The following SIAH3 variants were observed in gnomAD, a reference collection of about 807,000 sequenced individuals.
The protein encoded by SIAH3 is siah E3 ubiquitin protein ligase family member 3.
SIAH3 carries 9 observed loss-of-function variants against 12.6 expected under a neutral mutation model. The ratio of observed to expected loss-of-function variants is 0.72; its 90% CI spans 0.43 to 1.25. The LOEUF is 1.25. Among genes scored for constraint, SIAH3 ranks in the 50% most tolerant of loss-of-function variants. SIAH3 has a pLI of 0.00. For synonymous variants in SIAH3, 154 were observed against 151.1 expected (o/e 1.02, Z -0.14); for missense variants, 390 against 365.4 (o/e 1.07, Z -0.55).
At chr13:45,846,743 G>A (rs1046348494) in intron 1 of SIAH3, among the ~76,000 whole-genome samples, 5 of 152,100 alleles carry the variant, frequency 3.3e-5, no homozygotes, top group Non-Finnish European at 7.4e-5. Context: ...AATTTGCTTC[G>A]GGGCTGCTGG....
At position 45,808,770 on chromosome 13, in the gene SIAH3, C is replaced by T. The variant is rs139365522; in HGVS notation, c.136-24713G>A. Among the ~76,000 whole-genome samples the T allele has an allele frequency of 3.2e-3, 488 of 152,264 alleles. 2 individuals carry two copies. The highest frequency in any genetic ancestry group is 0.011 in the African/African-American group (439 of 41,550). ...CCCAAAACTTGGACTCAACACTGGG[C>T]ACAGTAGGGAATCTCCATCCTGGTT... is the stretch of plus-strand genomic sequence containing the variant. On this transcript the variant is annotated intron_variant, in intron 1 of 1. Transcript: ENST00000400405.
chr13:45,819,768 A>G (rs1950648689), intron 1 of SIAH3, among the ~76,000 whole-genome samples: 1 of 152,190 alleles, frequency 6.6e-6, no homozygotes, highest in Non-Finnish European at 1.5e-5. Flanking sequence ...TCGGGGACCT[A>G]GTCTCTTCCC....
At chr13:45,825,334 G>A (rs1035928316) in intron 1 of SIAH3, among the ~76,000 whole-genome samples, 1 of 152,156 alleles carries the variant, frequency 6.6e-6, no homozygotes, top group Non-Finnish European at 1.5e-5. Flanking sequence ...ACAGGATTCA[G>A]AATGTAACAA....
At chr13:45,826,377 A>ACGGATGGATGGT (rs1566094814) in intron 1 of SIAH3, among the ~76,000 whole-genome samples, 1 of 13,158 alleles carries the variant, frequency 7.6e-5, no homozygotes, top group African/African-American at 2.9e-4. Context: ...GGATGGATGA[A>ACGGATGGATGGT]TGAATGGATG....
intron 1 of SIAH3, among the ~76,000 whole-genome samples, chr13:45,812,561 T>G (rs897805446): frequency 6.6e-6 from 1 of 152,216 alleles, no homozygotes; most frequent in African/African-American, 2.4e-5. Context: ...ATTATAATGA[T>G]TATAATGATT....
At chr13:45,801,376 G>A (rs1292454630) in intron 1 of SIAH3, among the ~76,000 whole-genome samples, 2 of 152,192 alleles carry the variant, frequency 1.3e-5, no homozygotes, top group African/African-American at 4.8e-5. Flanking sequence ...GAGGAGCTGT[G>A]CTTTCCACCG....
chr13:45,796,598 C>T (rs1220590570), intron 1 of SIAH3, among the ~76,000 whole-genome samples: 1 of 152,246 alleles, frequency 6.6e-6, no homozygotes, highest in Non-Finnish European at 1.5e-5. Context: ...AAGGTGTTCA[C>T]ACCATGCCTG....
chr13:45,825,421 G>T (rs1950670471), intron 1 of SIAH3, among the ~76,000 whole-genome samples: 1 of 152,070 alleles, frequency 6.6e-6, no homozygotes, highest in Non-Finnish European at 1.5e-5. Context: ...ATGGAGAAAA[G>T]ACCTCACACC....
intron 1 of SIAH3, among the ~76,000 whole-genome samples, chr13:45,824,889 C>CAA (rs147575546): frequency 8.7e-5 from 13 of 149,242 alleles, no homozygotes; most frequent in South Asian, 2.1e-4. Flanking sequence ...AAAAAAAAAA[C>CAA]AAAAAAAACA....
chr13:45,815,989 C>G (rs540570581), intron 1 of SIAH3, among the ~76,000 whole-genome samples: 2 of 152,228 alleles, frequency 1.3e-5, no homozygotes, highest in South Asian at 4.1e-4. Flanking sequence ...ATTTAATGCT[C>G]ATAGCTAAGC....
chr13:45,783,678 C>T lies in SIAH3; in HGVS notation c.515G>A (p.Arg172Lys). ...CLGHHFLLVL[R>K]KQERHEGHPQ... is the part of the protein sequence containing the mutation. ...GTGCCCTTCATGCCTCTCCTGTTTC[C>T]TCAGCACCAACAGAAAGTGGTGGCC... The change falls in exon 2 of 2, where the codon AGG becomes AAG. Residue 172 changes from arginine (R) to lysine (K), a missense_variant. Arg to Lys is a conservative substitution (Grantham distance 26, BLOSUM62 2). Coordinates refer to ENST00000400405, the MANE Select transcript of SIAH3 (RefSeq NM_198849.3). The T allele has an allele frequency of 6.2e-7, 1 of 1,614,096 alleles. No homozygotes were observed. Among genetic ancestry groups the T allele is most frequent in the Non-Finnish European group, 8.5e-7 (1 of 1,179,966 alleles).
rs1255099625 is a variant in SIAH3 at position 45,782,213 on chromosome 13, T to A, written c.*1170A>T. 6.6e-6 allele frequency: 1 copy of A among 152,226 alleles called. No homozygotes were observed. Among genetic ancestry groups the A allele is most frequent in the African/African-American group, 2.4e-5 (1 of 41,454 alleles). The allele number at this position is 152,226 out of a possible 1,614,324, so 9.4% of individuals were successfully genotyped here. On this transcript the variant is annotated 3_prime_UTR_variant, in exon 2 of 2. Transcript: ENST00000400405. Reference sequence around the variant, plus strand: ...TGCGCAGAGGAAATATGGATTTCCGTCACTGTGTCATTCATACTGCAACAG... The same window carrying A: ...TGCGCAGAGGAAATATGGATTTCCGACACTGTGTCATTCATACTGCAACAG...
intron 1 of SIAH3, among the ~76,000 whole-genome samples, chr13:45,788,085 A>G (rs919697998): frequency 4.6e-5 from 7 of 152,236 alleles, no homozygotes; most frequent in Admixed American, 2.0e-4. Context: ...TGATACACTC[A>G]TTGAGACCTG....
chr13:45,840,856 T>G (rs1359356771), intron 1 of SIAH3, among the ~76,000 whole-genome samples: 1 of 152,234 alleles, frequency 6.6e-6, no homozygotes, highest in Non-Finnish European at 1.5e-5. Context: ...AATTTAATTT[T>G]TAAAAAAGGT....
chr13:45,787,233 A>C (rs1183559607), intron 1 of SIAH3, among the ~76,000 whole-genome samples: 1 of 152,100 alleles, frequency 6.6e-6, no homozygotes, highest in African/African-American at 2.4e-5. Context: ...CTTCTATGTG[A>C]TGATGCTGAT....
At chr13:45,795,112 A>C (rs1950558183) in intron 1 of SIAH3, among the ~76,000 whole-genome samples, 1 of 152,318 alleles carries the variant, frequency 6.6e-6, no homozygotes, top group African/African-American at 2.4e-5. Context: ...TTTTAAATAT[A>C]GCTAATTTAT....
At chr13:45,816,268 A>C (rs1196524215) in intron 1 of SIAH3, among the ~76,000 whole-genome samples, 1 of 152,218 alleles carries the variant, frequency 6.6e-6, no homozygotes, top group Admixed American at 6.5e-5. Context: ...CAAGGACTGC[A>C]GAGAATGGTG....
rs1380667939 is a variant in SIAH3 at position 45,779,189 on chromosome 13, G to A, written c.*4194C>T. 1 of 152,152 alleles carries A rather than the reference G, an allele frequency of 6.6e-6. No homozygotes were observed. The allele number at this position is 152,152 out of a possible 1,614,324, so 9.4% of individuals were successfully genotyped here. A position where few individuals can be genotyped will look rare whatever the true frequency, so the allele number is the denominator to read the frequency against. ...GTGATAGATGTAAATAACCCCAGGAGCATAGAGAATAAAAAGAGTAGTGAA... is the reference window on the plus strand; with the variant it reads ...GTGATAGATGTAAATAACCCCAGGAACATAGAGAATAAAAAGAGTAGTGAA... On this transcript the variant is annotated 3_prime_UTR_variant, in exon 2 of 2. Transcript: ENST00000400405.
intron 1 of SIAH3, among the ~76,000 whole-genome samples, chr13:45,795,179 T>G (rs989360664): frequency 4.6e-5 from 7 of 152,150 alleles, no homozygotes; most frequent in Non-Finnish European, 8.8e-5. Flanking sequence ...CAGAGGTAAT[T>G]TTTCCATTGA....
Sources: allele counts gnomAD v4.1 joint callset (sites outside exome capture counted in the v4.1 genomes callset), GRCh38; gene constraint gnomAD v4.1.1; transcripts MANE v1.5; gene names NCBI Gene and HGNC (gene_info 2026-07-23, HGNC 2026-07-21).